The following XXYLT1 variants were observed in gnomAD, a reference collection of about 807,000 sequenced individuals.
The protein encoded by XXYLT1 is UDP-xylose:alpha-xyloside alpha-1,3-xylosyltransferase.
Under a neutral mutation model 28.9 loss-of-function variants are expected in XXYLT1, and 20 were observed. The observed-to-expected ratio is 0.69, with a 90% CI of 0.49 to 1.00. XXYLT1 has a LOEUF of 1.00. Among genes scored for constraint, XXYLT1 ranks in the 50% least tolerant of loss-of-function variants. The pLI, the probability that XXYLT1 is intolerant of heterozygous loss-of-function variation, is 0.00. For missense variants in XXYLT1, 542 were observed against 560.1 expected, an observed-to-expected ratio of 0.97 and a Z score of 0.33; for synonymous variants, 257 against 253.8, an observed-to-expected ratio of 1.01 and a Z score of -0.12.
intron 2 of XXYLT1, among the ~76,000 whole-genome samples, chr3:195,162,164 G>A (rs1243129488): frequency 2.0e-5 from 3 of 151,636 alleles, no homozygotes; most frequent in African/African-American, 7.3e-5. Flanking sequence ...CCAAGATCAC[G>A]CAGCTGGTCA....
Position 195,270,848 on chromosome 3 carries a change from G to C in XXYLT1, c.211C>G (p.Leu71Val). Reference protein sequence around the residue: ...GAPAAPSPPALELARGSVAPA... With the variant: ...GAPAAPSPPAVELARGSVAPA... ...GCCACGGAGCCCCGCGCTAGCTCCAGCGCGGGCGGCGAGGGCGCGGCGGGA... is the reference window on the plus strand; with the variant it reads ...GCCACGGAGCCCCGCGCTAGCTCCACCGCGGGCGGCGAGGGCGCGGCGGGA... Residue 71 changes from leucine to valine, a missense_variant, in exon 1 of 4, where the codon CTG becomes GTG. By Grantham distance (32) the Leu-to-Val change is conservative. Coordinates refer to ENST00000310380, the MANE Select transcript of XXYLT1 (RefSeq NM_152531.5). 1 of 1,419,826 alleles carries C rather than the reference G, an allele frequency of 7.0e-7. No individual in the cohort carries two copies. Among genetic ancestry groups the C allele is most frequent in the African/African-American group, 1.5e-5 (1 of 66,484 alleles). The allele number at this position is 1,419,826 out of a possible 1,614,324, so 88.0% of individuals were successfully genotyped here.
intron 3 of XXYLT1, among the ~76,000 whole-genome samples, chr3:195,079,935 A>AT (rs1715334973): frequency 6.6e-6 from 1 of 152,110 alleles, no homozygotes; most frequent in African/African-American, 2.4e-5. Flanking sequence ...GCTCATCTTC[A>AT]TGTCTGGAGG....
chr3:195,103,764 A>C (rs1033517326), intron 3 of XXYLT1, among the ~76,000 whole-genome samples: 3 of 152,232 alleles, frequency 2.0e-5, no homozygotes, highest in Non-Finnish European at 4.4e-5. Flanking sequence ...GAAACAATGC[A>C]ATCTTGTCAG....
chr3:195,233,089 T>G (rs1322069667), intron 1 of XXYLT1, among the ~76,000 whole-genome samples: 1 of 152,182 alleles, frequency 6.6e-6, no homozygotes, highest in Non-Finnish European at 1.5e-5. Context: ...AACTGTTATA[T>G]CCTTATGCTG....
At chr3:195,245,274 C>T (rs1021981780) in intron 1 of XXYLT1, among the ~76,000 whole-genome samples, 1 of 150,478 alleles carries the variant, frequency 6.6e-6, no homozygotes, top group African/African-American at 2.4e-5. Context: ...GATTCTCCTG[C>T]CTCAGCCTCC....
intron 3 of XXYLT1, among the ~76,000 whole-genome samples, chr3:195,075,026 C>T (rs6809483): frequency 0.011 from 1,633 of 152,150 alleles, 22 homozygotes; most frequent in African/African-American, 0.038. Context: ...CCGAGGTGGG[C>T]GGATCACCTG....
chr3:195,153,101 C>T (rs1362314243), intron 3 of XXYLT1, among the ~76,000 whole-genome samples: 3 of 152,198 alleles, frequency 2.0e-5, no homozygotes, highest in Non-Finnish European at 4.4e-5. Context: ...AAGAGAAAGG[C>T]GGGCTGCGCT....
intron 2 of XXYLT1, chr3:195,175,802 A>G: frequency 1.4e-6 from 2 of 1,468,694 alleles, no homozygotes; most frequent in Non-Finnish European, 1.8e-6. Context: ...TGGCGTCGTT[A>G]CAGGATGGAA....
chr3:195,215,801 T>C (rs1457848441), intron 2 of XXYLT1, among the ~76,000 whole-genome samples: 1 of 152,180 alleles, frequency 6.6e-6, no homozygotes, highest in Admixed American at 6.5e-5. Flanking sequence ...CGAATTGAAC[T>C]CAGCTCTGCA....
Position 195,151,462 on chromosome 3 carries a change from G to A in XXYLT1, c.785+4987C>T, listed in dbSNP as rs373456119. On this transcript the variant is annotated intron_variant, in intron 3 of 3. Coordinates refer to ENST00000310380, the MANE Select transcript of XXYLT1 (RefSeq NM_152531.5). ...GGAGAACTTCTTGAACCTGGGAGGCGGTGGCTGCAGTGAGTCAAGGTTGTG... is the reference window on the plus strand; with the variant it reads ...GGAGAACTTCTTGAACCTGGGAGGCAGTGGCTGCAGTGAGTCAAGGTTGTG... Among the ~76,000 whole-genome samples, 19 of 152,162 alleles carry A rather than the reference G, an allele frequency of 1.2e-4. No homozygotes were observed. The East Asian group carries it at 1.4e-3, about 11-fold the overall frequency.
chr3:195,120,840 G>C (rs1250596705), intron 3 of XXYLT1, among the ~76,000 whole-genome samples: 2 of 152,162 alleles, frequency 1.3e-5, no homozygotes, highest in African/African-American at 4.8e-5. Context: ...GTGCGGCCTG[G>C]CTGGCACAGC....
At chr3:195,163,695 T>C (rs1414757958) in intron 2 of XXYLT1, among the ~76,000 whole-genome samples, 3 of 152,216 alleles carry the variant, frequency 2.0e-5, no homozygotes, top group Non-Finnish European at 4.4e-5. Flanking sequence ...AGCAACAGTT[T>C]CAACACAGAG....
At chr3:195,183,430 A>T (rs1722041120) in intron 2 of XXYLT1, 1 of 152,130 alleles carries the variant, frequency 6.6e-6, no homozygotes, top group Non-Finnish European at 1.5e-5. Context: ...AAGTTTCCTA[A>T]ACAATGTGGA....
chr3:195,083,734 T>C lies in XXYLT1; in HGVS notation c.786-13623A>G, dbSNP rs139527309. Among the ~76,000 whole-genome samples, 134 of 152,312 alleles carry C rather than the reference T, an allele frequency of 8.8e-4. 2 individuals are homozygous for C. In the East Asian group the frequency reaches 0.025, roughly 28 times the overall value. On this transcript the variant is annotated intron_variant, in intron 3 of 3. Transcript: ENST00000310380. ...ACGAGGAAATGGAGGCCCAGAGAGTTACTGCGCCTGGCGGTGCACAGTGGC... is the reference window on the plus strand; with the variant it reads ...ACGAGGAAATGGAGGCCCAGAGAGTCACTGCGCCTGGCGGTGCACAGTGGC...
chr3:195,200,842 G>A (rs961224389), intron 2 of XXYLT1, among the ~76,000 whole-genome samples: 7 of 152,118 alleles, frequency 4.6e-5, no homozygotes, highest in Admixed American at 3.3e-4. Flanking sequence ...AGGAGCTCAC[G>A]GGTCCGCTGG....
intron 3 of XXYLT1, among the ~76,000 whole-genome samples, chr3:195,116,438 C>T (rs1718047103): frequency 6.6e-6 from 1 of 152,160 alleles, no homozygotes; most frequent in African/African-American, 2.4e-5. Context: ...ATGAACTACA[C>T]TTTGAGTAGT....
intron 1 of XXYLT1, among the ~76,000 whole-genome samples, chr3:195,238,896 C>T (rs914512857): frequency 1.3e-5 from 2 of 152,186 alleles, no homozygotes; most frequent in Non-Finnish European, 2.9e-5. Context: ...AGAGAAAGAA[C>T]GGATCTGCGC....
chr3:195,078,314 G>A lies in XXYLT1; in HGVS notation c.786-8203C>T, dbSNP rs543938957. On this transcript the variant is annotated intron_variant, in intron 3 of 3. Coordinates refer to ENST00000310380, the MANE Select transcript of XXYLT1 (RefSeq NM_152531.5). The surrounding 1 kb of genome is among the most constrained non-coding windows in gnomAD (Gnocchi z 5.0). The stretch of plus-strand genomic sequence containing the variant: ...AAGAGGAGCCAGGAAGATGCAGGGC[G>A]TTGGAGGACCCCGGCCACCTGTCCC... Among the ~76,000 whole-genome samples, 37 of 152,172 alleles carry A rather than the reference G, an allele frequency of 2.4e-4. No individual in the cohort carries two copies. Among genetic ancestry groups the A allele is most frequent in the Non-Finnish European group, 5.0e-4 (34 of 68,006 alleles).
chr3:195,141,632 G>A (rs577476272), intron 3 of XXYLT1, among the ~76,000 whole-genome samples: 24 of 152,284 alleles, frequency 1.6e-4, no homozygotes, highest in South Asian at 4.1e-4. Context: ...TTCAAAGACC[G>A]AGAGCTCAGT....
Sources: allele counts gnomAD v4.1 joint callset (sites outside exome capture counted in the v4.1 genomes callset), GRCh38; gene constraint gnomAD v4.1.1; non-coding constraint Gnocchi (gnomAD v3.1); transcripts MANE v1.5; gene names NCBI Gene and HGNC (gene_info 2026-07-23, HGNC 2026-07-21).